Variants in IFT56 observed in about 807,000 individuals in gnomAD.
IFT56 encodes intraflagellar transport protein 56.
At chr7:139,149,956 T>C in the IFT56 span, among the ~76,000 whole-genome samples, 1 of 152,222 alleles carries the variant, frequency 6.6e-6, no homozygotes, top group Non-Finnish European at 1.5e-5. Flanking sequence ...ATAGAAAATA[T>C]GTTCTACACT....
At chr7:139,160,476 C>A in the IFT56 span, among the ~76,000 whole-genome samples, 1 of 149,090 alleles carries the variant, frequency 6.7e-6, no homozygotes, top group Non-Finnish European at 1.5e-5. Context: ...TGTCGCCAGG[C>A]TGGAATGCAG....
chr7:139,140,611 C>T, the IFT56 span, among the ~76,000 whole-genome samples: 3 of 151,756 alleles, frequency 2.0e-5, no homozygotes, highest in African/African-American at 7.3e-5. Flanking sequence ...GAAACCCCAT[C>T]TCTACTAAAA....
the IFT56 span, chr7:139,169,256 T>C: frequency 1.7e-5 from 27 of 1,581,146 alleles, no homozygotes; most frequent in Non-Finnish European, 2.3e-5. Context: ...ATTTTTACCT[T>C]ATTCCTCTAT....
chr7:139,155,751 T>C, the IFT56 span, among the ~76,000 whole-genome samples: 624 of 152,262 alleles, frequency 4.1e-3, 5 homozygotes, highest in Middle Eastern at 3.4e-3. Flanking sequence ...TCTTGTAATT[T>C]TTTTTTGGTT....
chr7:139,139,933 T>G, the IFT56 span: 1 of 1,613,134 alleles, frequency 6.2e-7, no homozygotes, highest in South Asian at 1.1e-5. Flanking sequence ...AATTCTGAAG[T>G]CTGGGTGAAC....
chr7:139,154,645 A>G, the IFT56 span, among the ~76,000 whole-genome samples: 1 of 152,184 alleles, frequency 6.6e-6, no homozygotes, highest in Non-Finnish European at 1.5e-5. Flanking sequence ...TCAGTTTATC[A>G]TAGACAAATG....
the IFT56 span, among the ~76,000 whole-genome samples, chr7:139,141,603 A>G: frequency 1.3e-5 from 2 of 152,130 alleles, no homozygotes; most frequent in Non-Finnish European, 2.9e-5. Context: ...CTCTATTTCC[A>G]TATTTTTTTT....
the IFT56 span, chr7:139,168,720 A>G: frequency 3.0e-6 from 1 of 338,670 alleles, no homozygotes; most frequent in East Asian, 5.4e-5. Flanking sequence ...TTAAACTTAC[A>G]TATATCTAGC....
At chr7:139,163,214 T>C in the IFT56 span, among the ~76,000 whole-genome samples, 1 of 144,774 alleles carries the variant, frequency 6.9e-6, no homozygotes, top group East Asian at 2.1e-4. Flanking sequence ...TTATGGCGGG[T>C]GCCTTTAGTC....
At chr7:139,173,834 C>T in the IFT56 span, 1 of 718,444 alleles carries the variant, frequency 1.4e-6, no homozygotes, top group South Asian at 1.5e-5. Flanking sequence ...TCTGCTGCTT[C>T]AGAACTTCAG....
At chr7:139,173,055 C>T in the IFT56 span, 2 of 734,216 alleles carry the variant, frequency 2.7e-6, no homozygotes, top group Admixed American at 3.6e-5. Flanking sequence ...ATGCTTCCAA[C>T]TCAGCTTTGC....
chr7:139,180,450 C>A, the IFT56 span, among the ~76,000 whole-genome samples: 5 of 152,296 alleles, frequency 3.3e-5, no homozygotes, highest in South Asian at 1.0e-3. Context: ...TTGCTCACAC[C>A]TGTAATCCCA....
the IFT56 span, among the ~76,000 whole-genome samples, chr7:139,137,096 T>C: frequency 6.6e-6 from 1 of 152,144 alleles, no homozygotes; most frequent in East Asian, 1.9e-4. Flanking sequence ...TCCATAAATA[T>C]GTGTTGGCTC....
At chr7:139,189,563 G>T in the IFT56 span, 1 of 647,084 alleles carries the variant, frequency 1.5e-6, no homozygotes. Context: ...TAAGCCTCAA[G>T]GTCAGAGACT....
At chr7:139,137,332 G>A in the IFT56 span, among the ~76,000 whole-genome samples, 2 of 152,206 alleles carry the variant, frequency 1.3e-5, no homozygotes, top group African/African-American at 2.4e-5. Context: ...AAGGGTAATA[G>A]AAAGATTCTC....
At chr7:139,154,281 A>AT in the IFT56 span, among the ~76,000 whole-genome samples, 3 of 149,924 alleles carry the variant, frequency 2.0e-5, no homozygotes, top group Non-Finnish European at 4.4e-5. Context: ...TATCCTATAG[A>AT]TTTTTTCATT....
At chr7:139,148,390 G>A in the IFT56 span, 6 of 1,599,382 alleles carry the variant, frequency 3.8e-6, no homozygotes, top group African/African-American at 5.4e-5. Context: ...ATTGATGGAA[G>A]TGTGTTTTTA....
chr7:139,178,395 G>A, the IFT56 span: 65 of 1,413,488 alleles, frequency 4.6e-5, 1 homozygote, highest in South Asian at 7.4e-4. Flanking sequence ...CCCATTTTCT[G>A]TGGTGGCATT....
chr7:139,154,746 T>G, the IFT56 span, among the ~76,000 whole-genome samples: 1 of 152,132 alleles, frequency 6.6e-6, no homozygotes, highest in African/African-American at 2.4e-5. Flanking sequence ...TTAGAGCAAG[T>G]TTTGAAATCA....
Sources: allele counts gnomAD v4.1 joint callset (sites outside exome capture counted in the v4.1 genomes callset), GRCh38; gene constraint gnomAD v4.1.1; transcripts MANE v1.5; gene names NCBI Gene and HGNC (gene_info 2026-07-23, HGNC 2026-07-21).